ADK: variants seen among roughly 807,000 people sequenced by gnomAD.
ADK encodes the protein adenosine kinase.
ADK carries 24 observed loss-of-function variants against 44.7 expected under a neutral mutation model. The observed-to-expected ratio is 0.54, with a 90% CI of 0.39 to 0.76. ADK has a LOEUF of 0.76. Ranked by LOEUF, ADK falls within the 30% of genes least tolerant of loss-of-function variation. The pLI, the probability that ADK is intolerant of heterozygous loss-of-function variation, is 0.00. For synonymous variants in ADK, 128 were observed against 142.6 expected (o/e 0.90, Z 0.73); for missense variants, 321 against 425.1 (o/e 0.76, Z 2.15).
chr10:74,490,529 G>A (rs1252309091), intron 6 of ADK, among the ~76,000 whole-genome samples: 2 of 152,070 alleles, frequency 1.3e-5, no homozygotes, highest in South Asian at 2.1e-4. Context: ...AGAATAAGTT[G>A]CCACAATTAG....
At chr10:74,483,146 GTT>G (rs1272357905) in intron 6 of ADK, among the ~76,000 whole-genome samples, 1 of 152,170 alleles carries the variant, frequency 6.6e-6, no homozygotes, top group Non-Finnish European at 1.5e-5. Flanking sequence ...GACATCAGGT[GTT>G]TCCATACGTC....
intron 6 of ADK, among the ~76,000 whole-genome samples, chr10:74,453,838 A>AG (rs1277461799): frequency 1.5e-4 from 23 of 152,128 alleles, no homozygotes; most frequent in Non-Finnish European, 1.5e-4. Flanking sequence ...AAGCATATAA[A>AG]TATTCATGAT....
intron 9 of ADK, among the ~76,000 whole-genome samples, chr10:74,650,776 C>T (rs149446086): frequency 6.6e-6 from 1 of 152,150 alleles, no homozygotes; most frequent in South Asian, 2.1e-4. Context: ...TCTGGGTCAT[C>T]TGAGGAAGTT....
At chr10:74,195,480 T>TTA (rs1843095143) in intron 1 of ADK, among the ~76,000 whole-genome samples, 1 of 152,154 alleles carries the variant, frequency 6.6e-6, no homozygotes. Flanking sequence ...ATATGCTACT[T>TTA]TATTTAATTA....
At chr10:74,695,522 A>G (rs1856152057) in intron 10 of ADK, among the ~76,000 whole-genome samples, 2 of 149,700 alleles carry the variant, frequency 1.3e-5, no homozygotes, top group South Asian at 2.1e-4. Flanking sequence ...GTATATATGT[A>G]TATGTATATA....
At chr10:74,566,189 T>TTC (rs200313111) in intron 7 of ADK, among the ~76,000 whole-genome samples, 16 of 149,024 alleles carry the variant, frequency 1.1e-4, no homozygotes, top group East Asian at 5.8e-4. Context: ...TGTTTTTATT[T>TTC]TCTCTCTCTC....
rs1036305350 is a variant in ADK at position 74,305,669 on chromosome 10, A to T, written c.195-8998A>T. Among the ~76,000 whole-genome samples the T allele has an allele frequency of 2.0e-5, 3 of 152,060 alleles. No homozygotes were observed. In the East Asian group the frequency reaches 5.8e-4, roughly 29 times the overall value. ...GGAGTTTCTGAGCTTGAATCTGTTAAGAGTATGTCATTAATCAAATTTGGA... is the reference window on the plus strand; with the variant it reads ...GGAGTTTCTGAGCTTGAATCTGTTATGAGTATGTCATTAATCAAATTTGGA... On this transcript the variant is annotated intron_variant, in intron 3 of 10. Transcript: ENST00000539909.
intron 9 of ADK, among the ~76,000 whole-genome samples, chr10:74,620,171 A>T (rs544551054): frequency 3.2e-4 from 48 of 152,332 alleles, no homozygotes; most frequent in Non-Finnish European, 5.4e-4. Context: ...ATTATTGTTA[A>T]CTGTAGTTAT....
chr10:74,269,823 C>G (rs1846358461), intron 3 of ADK, among the ~76,000 whole-genome samples: 1 of 152,002 alleles, frequency 6.6e-6, no homozygotes, highest in Non-Finnish European at 1.5e-5. Context: ...ATGGGGAAAC[C>G]CTGTGTCTAC....
At chr10:74,371,386 T>C in intron 4 of ADK, 2 of 575,574 alleles carry the variant, frequency 3.5e-6, no homozygotes, top group Non-Finnish European at 6.2e-6. Context: ...TGTTTGTAGA[T>C]AACATGATCT....
At chr10:74,168,258 A>C (rs1265062808) in intron 1 of ADK, among the ~76,000 whole-genome samples, 1 of 152,158 alleles carries the variant, frequency 6.6e-6, no homozygotes, top group Non-Finnish European at 1.5e-5. Flanking sequence ...AAAGATTGTG[A>C]GCTGGGCGCG....
intron 6 of ADK, among the ~76,000 whole-genome samples, chr10:74,521,620 T>C (rs1848839270): frequency 6.6e-6 from 1 of 152,122 alleles, no homozygotes; most frequent in Non-Finnish European, 1.5e-5. Context: ...CTGGAACAGT[T>C]TGGGGAGAAA....
At chr10:74,270,921 C>T (rs10824135) in intron 3 of ADK, among the ~76,000 whole-genome samples, 97,587 of 151,624 alleles carry the variant, frequency 0.64, 32,713 homozygotes, top group Middle Eastern at 0.79. Context: ...AAGTTTTTTA[C>T]GGCATTTGTA....
chr10:74,387,763 A>G (rs1287884532), intron 4 of ADK, among the ~76,000 whole-genome samples: 7 of 152,198 alleles, frequency 4.6e-5, no homozygotes, highest in Non-Finnish European at 8.8e-5. Flanking sequence ...TGGTTTTCCT[A>G]TTCCTCCAGT....
At chr10:74,192,973 G>T (rs1257794877) in intron 1 of ADK, among the ~76,000 whole-genome samples, 1 of 152,094 alleles carries the variant, frequency 6.6e-6, no homozygotes, top group African/African-American at 2.4e-5. Flanking sequence ...TGAAAGAAGG[G>T]TGCTAAACTA....
rs117400617 is a variant in ADK, at chr10:74,565,832, A to C, written c.727-23450A>C. Among the ~76,000 whole-genome samples the C allele has an allele frequency of 1.5e-4, 23 of 152,306 alleles. No individual in the cohort carries two copies. The East Asian group carries it at 4.4e-3, about 29-fold the overall frequency. The stretch of plus-strand genomic sequence containing the variant: ...TTTTTCAGATTAATGAATATGATTA[A>C]AATTAAGATGGAATAAAAATTAAAA... On this transcript the variant is annotated intron_variant, in intron 7 of 10. Transcript: ENST00000539909.
At chr10:74,577,821 C>G (rs1014314085) in intron 7 of ADK, among the ~76,000 whole-genome samples, 2 of 152,210 alleles carry the variant, frequency 1.3e-5, no homozygotes, top group Non-Finnish European at 1.5e-5. Flanking sequence ...AACTAGCGCT[C>G]TCTCTTTAAA....
chr10:74,294,544 C>T (rs984053559), intron 3 of ADK, among the ~76,000 whole-genome samples: 6 of 152,136 alleles, frequency 3.9e-5, no homozygotes, highest in Non-Finnish European at 8.8e-5. Flanking sequence ...GCCTTGGCCT[C>T]CCAAAGTACT....
At chr10:74,512,275 T>C (rs754693727) in intron 6 of ADK, among the ~76,000 whole-genome samples, 4 of 152,076 alleles carry the variant, frequency 2.6e-5, no homozygotes, top group Admixed American at 1.3e-4. Context: ...TTTGTCCTTA[T>C]CTGTTTTTGG....
Sources: allele counts gnomAD v4.1 joint callset (sites outside exome capture counted in the v4.1 genomes callset), GRCh38; gene constraint gnomAD v4.1.1; transcripts MANE v1.5; gene names NCBI Gene and HGNC (gene_info 2026-07-23, HGNC 2026-07-21).